The following CLSTN2 variants were observed in gnomAD, a reference collection of about 807,000 sequenced individuals.
The protein encoded by CLSTN2 is calsyntenin-2.
CLSTN2 carries 48 observed loss-of-function variants against 101.2 expected under a neutral mutation model. The ratio of observed to expected loss-of-function variants is 0.47; its 90% CI spans 0.38 to 0.60. CLSTN2 has a LOEUF of 0.60. Among genes scored for constraint, CLSTN2 ranks in the 20% least tolerant of loss-of-function variants. CLSTN2 has a pLI of 0.00. For missense variants in CLSTN2, 1,160 were observed against 1,238.2 expected, an observed-to-expected ratio of 0.94 and a Z score of 0.95; for synonymous variants, 481 against 463.6, an observed-to-expected ratio of 1.04 and a Z score of -0.48.
At chr3:140,299,331 C>G (rs1022408762) in intron 2 of CLSTN2, among the ~76,000 whole-genome samples, 1 of 152,048 alleles carries the variant, frequency 6.6e-6, no homozygotes, top group African/African-American at 2.4e-5. Context: ...GAATCCTTAG[C>G]CAAAAAAGAT....
chr3:139,961,308 T>G (rs1576377433), intron 1 of CLSTN2, among the ~76,000 whole-genome samples: 1 of 152,344 alleles, frequency 6.6e-6, no homozygotes, highest in South Asian at 2.1e-4. Flanking sequence ...TGATATAGCA[T>G]TATTATGAAT....
chr3:140,138,834 G>A (rs1021811335), intron 1 of CLSTN2, among the ~76,000 whole-genome samples: 7 of 152,164 alleles, frequency 4.6e-5, no homozygotes, highest in Non-Finnish European at 7.4e-5. Context: ...CTATTTTGTT[G>A]TGATGTCTCC....
intron 1 of CLSTN2, among the ~76,000 whole-genome samples, chr3:140,084,533 A>G (rs2008649421): frequency 6.6e-6 from 1 of 152,228 alleles, no homozygotes; most frequent in Admixed American, 6.5e-5. Flanking sequence ...TCAGTAGTCT[A>G]CTGAAGTCTA....
chr3:140,081,904 A>G (rs1464123740), intron 1 of CLSTN2, among the ~76,000 whole-genome samples: 1 of 152,190 alleles, frequency 6.6e-6, no homozygotes, highest in Non-Finnish European at 1.5e-5. Context: ...TTTTTATTAT[A>G]TATAAAACTC....
intron 1 of CLSTN2, among the ~76,000 whole-genome samples, chr3:140,112,245 A>G (rs1021453152): frequency 6.6e-6 from 1 of 152,116 alleles, no homozygotes; most frequent in Non-Finnish European, 1.5e-5. Flanking sequence ...TCCTTTAACT[A>G]CTTGTCTTCT....
At chr3:140,532,944 C>T (rs1465874784) in intron 9 of CLSTN2, among the ~76,000 whole-genome samples, 1 of 152,202 alleles carries the variant, frequency 6.6e-6, no homozygotes, top group African/African-American at 2.4e-5. Flanking sequence ...CCAGGGCTTG[C>T]CCAGAGCTGT....
At chr3:140,399,487 A>T (rs754850122) in intron 2 of CLSTN2, among the ~76,000 whole-genome samples, 1 of 152,206 alleles carries the variant, frequency 6.6e-6, no homozygotes, top group African/African-American at 2.4e-5. Context: ...CTAAGTAAAG[A>T]TATATTTAAA....
At chr3:140,447,181 T>C (rs913103939) in intron 5 of CLSTN2, among the ~76,000 whole-genome samples, 17 of 152,362 alleles carry the variant, frequency 1.1e-4, no homozygotes, top group African/African-American at 3.6e-4. Context: ...TTATAGATTT[T>C]TATTTCTACT....
intron 2 of CLSTN2, among the ~76,000 whole-genome samples, chr3:140,282,181 TC>T (rs1367564591): frequency 6.6e-6 from 1 of 152,212 alleles, no homozygotes; most frequent in Non-Finnish European, 1.5e-5. Flanking sequence ...ATGAGCCAGC[TC>T]TGAATGGTTT....
chr3:140,334,828 GGCAATCA>G (rs1337595094), intron 2 of CLSTN2, among the ~76,000 whole-genome samples: 1 of 152,158 alleles, frequency 6.6e-6, no homozygotes, highest in Admixed American at 6.5e-5. Flanking sequence ...GGAGTCAATG[GGCAATCA>G]GGCTTGAAGC....
At chr3:140,403,860 C>T in intron 3 of CLSTN2, 36 bp downstream of exon 3, 1 of 1,516,202 alleles carries the variant, frequency 6.6e-7, no homozygotes, top group Non-Finnish European at 9.0e-7. Context: ...GACGCCCCTC[C>T]CTCCCGTGCC....
chr3:140,440,108 AG>A (rs1394443649), intron 5 of CLSTN2, among the ~76,000 whole-genome samples: 2 of 152,148 alleles, frequency 1.3e-5, no homozygotes, highest in Non-Finnish European at 2.9e-5. Context: ...AGACTCATCA[AG>A]GTGAGGCCAA....
intron 11 of CLSTN2, 58 bp from the exon 12 acceptor site, chr3:140,558,582 T>A: frequency 6.9e-7 from 1 of 1,454,134 alleles, no homozygotes; most frequent in South Asian, 1.2e-5. Flanking sequence ...TTCCTGGCTG[T>A]ATGACAGATG....
At chr3:139,952,181 A>G (rs1172319438) in intron 1 of CLSTN2, among the ~76,000 whole-genome samples, 1 of 152,240 alleles carries the variant, frequency 6.6e-6, no homozygotes, top group African/African-American at 2.4e-5. Context: ...TCAGCCCAAC[A>G]GTAACTTCAG....
At chr3:140,096,152 C>T (rs189558727) in intron 1 of CLSTN2, among the ~76,000 whole-genome samples, 1 of 152,282 alleles carries the variant, frequency 6.6e-6, no homozygotes, top group African/African-American at 2.4e-5. Flanking sequence ...CTTCATCATC[C>T]TCATGCCTTC....
chr3:139,957,222 C>A (rs1217155719), intron 1 of CLSTN2, among the ~76,000 whole-genome samples: 1 of 152,042 alleles, frequency 6.6e-6, no homozygotes, highest in Non-Finnish European at 1.5e-5. Flanking sequence ...CTCATCTCTG[C>A]CACACCTGAC....
At chr3:140,099,859 A>T (rs2008935896) in intron 1 of CLSTN2, among the ~76,000 whole-genome samples, 1 of 152,156 alleles carries the variant, frequency 6.6e-6, no homozygotes, top group Admixed American at 6.5e-5. Flanking sequence ...GATTTAGGAG[A>T]CTGGATCAGC....
intron 8 of CLSTN2, among the ~76,000 whole-genome samples, chr3:140,529,384 T>C (rs1220279206): frequency 1.3e-5 from 2 of 152,220 alleles, no homozygotes; most frequent in African/African-American, 2.4e-5. Context: ...TCAGACATTC[T>C]TGGAGCTTGG....
intron 4 of CLSTN2, among the ~76,000 whole-genome samples, chr3:140,415,338 G>GCA (rs1296606079): frequency 2.0e-5 from 3 of 151,824 alleles, no homozygotes; most frequent in African/African-American, 7.2e-5. Context: ...GAAATGAGTG[G>GCA]CACAATATCA....
Sources: allele counts gnomAD v4.1 joint callset (sites outside exome capture counted in the v4.1 genomes callset), GRCh38; gene constraint gnomAD v4.1.1; transcripts MANE v1.5; gene names NCBI Gene and HGNC (gene_info 2026-07-23, HGNC 2026-07-21).